ADGRV1: variants seen among roughly 807,000 people sequenced by gnomAD.
The protein encoded by ADGRV1 is adhesion G protein-coupled receptor V1, also known as G-protein coupled receptor 98.
ADGRV1 carries 359 observed loss-of-function variants against 596.2 expected under a neutral mutation model. The observed-to-expected ratio is 0.60, with a 90% CI of 0.55 to 0.66. The LOEUF is 0.66. Among genes scored for constraint, ADGRV1 ranks in the 30% least tolerant of loss-of-function variants. The probability of loss-of-function intolerance (pLI) is 0.00; values close to 1 mark genes in which losing one functional copy is unlikely to be tolerated. For synonymous variants in ADGRV1, 2,681 were observed against 2,679.2 expected, an observed-to-expected ratio of 1.00 and a Z score of -0.02; for missense variants, 7,274 against 7,575.6, an observed-to-expected ratio of 0.96 and a Z score of 1.48.
intron 50 of ADGRV1, among the ~76,000 whole-genome samples, chr5:90,738,827 T>C (rs1319625355): frequency 6.6e-6 from 1 of 152,158 alleles, no homozygotes; most frequent in Non-Finnish European, 1.5e-5. Flanking sequence ...TTCTAGATAG[T>C]GTTGTCTTTC....
intron 83 of ADGRV1, among the ~76,000 whole-genome samples, chr5:90,925,614 A>G (rs1375463701): frequency 2.0e-5 from 3 of 150,778 alleles, no homozygotes; most frequent in African/African-American, 7.3e-5. Flanking sequence ...CTAACTGAAT[A>G]CCCTTTATTT....
intron 1 of ADGRV1, among the ~76,000 whole-genome samples, chr5:90,582,926 A>G (rs564572042): frequency 2.0e-5 from 3 of 152,344 alleles, no homozygotes; most frequent in South Asian, 4.1e-4. Flanking sequence ...TAAATGTACA[A>G]TCATAAATAC....
In ADGRV1 at chr5:90,778,052, A is replaced by G. The variant is rs577766988; in HGVS notation, c.12666+9A>G. 6.4e-7 allele frequency: 1 copy of G among 1,554,632 alleles called. No individual in the cohort carries two copies. Among genetic ancestry groups the G allele is most frequent in the Non-Finnish European group, 8.7e-7 (1 of 1,147,608 alleles). Reference sequence around the variant, plus strand: ...TCATTGTAGTAATACAGGTATCAATATTAGCTGGTTTCTTTTATGCCCTTT... The same window carrying G: ...TCATTGTAGTAATACAGGTATCAATGTTAGCTGGTTTCTTTTATGCCCTTT... On this transcript the variant is annotated intron_variant, in intron 62 of 89. Transcript: ENST00000405460.
Position 90,628,887 on chromosome 5 carries a change from C to T in ADGRV1, c.1509+55C>T, listed in dbSNP as rs1765143810. ...TAATATTTCTGTGCTGTACAAGAAC[C>T]AAAGAATTTGGTCATACACATCAAC... On this transcript the variant is annotated intron_variant, in intron 8 of 89. Coordinates refer to ENST00000405460, the MANE Select transcript of ADGRV1 (RefSeq NM_032119.4). 3.3e-6 allele frequency: 5 copies of T among 1,524,082 alleles called. No individual in the cohort carries two copies. The East Asian group carries it at 1.2e-4, about 35-fold the overall frequency. The allele number at this position is 1,524,082 out of a possible 1,614,324, so 94.4% of individuals were successfully genotyped here. A position where few individuals can be genotyped will look rare whatever the true frequency, so the allele number is the denominator to read the frequency against.
At chr5:90,700,302 T>G in intron 34 of ADGRV1, among the ~76,000 whole-genome samples, 1 of 152,156 alleles carries the variant, frequency 6.6e-6, no homozygotes, top group Non-Finnish European at 1.5e-5. Flanking sequence ...TTCATTTATG[T>G]GATTAGATTT....
intron 83 of ADGRV1, among the ~76,000 whole-genome samples, chr5:90,874,729 GCA>G (rs1769054921): frequency 6.6e-6 from 1 of 151,952 alleles, no homozygotes; most frequent in Non-Finnish European, 1.5e-5. Flanking sequence ...GTGGTGGCAT[GCA>G]CCTGTAGTCT....
intron 86 of ADGRV1, among the ~76,000 whole-genome samples, chr5:91,095,674 G>A (rs954448807): frequency 6.6e-6 from 1 of 152,044 alleles, no homozygotes; most frequent in Admixed American, 6.6e-5. Context: ...TCAGAATAAA[G>A]ACCTATGTTT....
chr5:90,990,176 C>A (rs1780849920), intron 85 of ADGRV1, among the ~76,000 whole-genome samples: 1 of 152,134 alleles, frequency 6.6e-6, no homozygotes. Flanking sequence ...CCCTTTCTTT[C>A]ATTTGTCTAC....
chr5:90,885,505 T>C (rs1412026623), intron 83 of ADGRV1, among the ~76,000 whole-genome samples: 1 of 152,172 alleles, frequency 6.6e-6, no homozygotes, highest in Non-Finnish European at 1.5e-5. Context: ...AAACCTCCAG[T>C]TAAAGTGAAA....
At chr5:91,001,045 C>A (rs1035916540) in intron 85 of ADGRV1, among the ~76,000 whole-genome samples, 5 of 152,032 alleles carry the variant, frequency 3.3e-5, no homozygotes, top group Non-Finnish European at 7.4e-5. Context: ...AATGTTTGAC[C>A]AAATATCTGT....
chr5:90,836,319 A>G (rs931585170), intron 77 of ADGRV1, among the ~76,000 whole-genome samples: 1 of 152,234 alleles, frequency 6.6e-6, no homozygotes, highest in Non-Finnish European at 1.5e-5. Flanking sequence ...GCCCCAAAGT[A>G]GAAACAATTC....
intron 1 of ADGRV1, among the ~76,000 whole-genome samples, chr5:90,565,890 A>T: frequency 6.6e-6 from 1 of 151,958 alleles, no homozygotes; most frequent in East Asian, 1.9e-4. Context: ...TCGGGTTTTG[A>T]TTTGTATTTC....
At chr5:90,910,042 C>T (rs889529936) in intron 83 of ADGRV1, among the ~76,000 whole-genome samples, 4 of 152,308 alleles carry the variant, frequency 2.6e-5, no homozygotes, top group South Asian at 4.2e-4. Flanking sequence ...GACAGCAGGA[C>T]CTTACTCATT....
intron 21 of ADGRV1, among the ~76,000 whole-genome samples, chr5:90,663,720 T>G (rs1462729689): frequency 1.3e-5 from 2 of 152,222 alleles, no homozygotes; most frequent in Non-Finnish European, 2.9e-5. Context: ...TGCCTAGGTT[T>G]TCTTCAAGGG....
chr5:90,622,733 T>C, intron 5 of ADGRV1, 32 bp downstream of exon 5: 1 of 939,652 alleles, frequency 1.1e-6, no homozygotes, highest in Non-Finnish European at 1.5e-6. Context: ...TTTATTTTAT[T>C]TATTTTTATT....
intron 9 of ADGRV1, among the ~76,000 whole-genome samples, chr5:90,632,396 G>A (rs1261355288): frequency 6.6e-6 from 1 of 152,098 alleles, no homozygotes; most frequent in African/African-American, 2.4e-5. Context: ...TATCATTTGA[G>A]CTTTCTAATG....
At chr5:90,885,285 G>C (rs1033873868) in intron 83 of ADGRV1, among the ~76,000 whole-genome samples, 9 of 152,062 alleles carry the variant, frequency 5.9e-5, no homozygotes, top group African/African-American at 2.2e-4. Context: ...ATAATCTCTT[G>C]GCAGTCTTTC....
intron 86 of ADGRV1, among the ~76,000 whole-genome samples, chr5:91,100,251 A>G (rs879210513): frequency 1.3e-5 from 2 of 152,204 alleles, no homozygotes; most frequent in Admixed American, 1.3e-4. Flanking sequence ...GCGAAACCCC[A>G]TCTATACAAA....
intron 1 of ADGRV1, among the ~76,000 whole-genome samples, chr5:90,583,817 G>A (rs1020879941): frequency 1.4e-5 from 2 of 144,486 alleles, no homozygotes; most frequent in Admixed American, 1.4e-4. Flanking sequence ...ATAAGAGACT[G>A]AGTTGGATTA....
Sources: gnomAD v4.1 joint callset for allele counts (sites outside exome capture counted in the v4.1 genomes callset) on GRCh38, gnomAD v4.1.1 for gene constraint, MANE v1.5 for transcripts, NCBI Gene and HGNC (gene_info 2026-07-23, HGNC 2026-07-21) for gene names.